Variants in EPB41L5 observed in about 807,000 individuals in gnomAD.
EPB41L5 encodes the protein band 4.1-like protein 5.
EPB41L5 carries 55 observed loss-of-function variants against 106.6 expected under a neutral mutation model. The ratio of observed to expected loss-of-function variants is 0.52; its 90% confidence interval spans 0.42 to 0.65. EPB41L5 has a LOEUF of 0.65. Among genes scored for constraint, EPB41L5 ranks in the 30% least tolerant of loss-of-function variants. The pLI is 0.00. For missense variants in EPB41L5, 871 were observed against 882.1 expected (o/e 0.99, Z 0.16); for synonymous variants, 297 against 306.7 (o/e 0.97, Z 0.33).
intron 3 of EPB41L5, 74 bp downstream of exon 3, chr2:120,042,184 A>T: frequency 9.0e-7 from 1 of 1,114,664 alleles, no homozygotes; most frequent in Non-Finnish European, 1.4e-6. Flanking sequence ...ACTAATTGCT[A>T]TAAGGCTTCC....
chr2:120,087,694 G>A (rs776113350), intron 11 of EPB41L5, among the ~76,000 whole-genome samples: 35 of 152,202 alleles, frequency 2.3e-4, no homozygotes, highest in Admixed American at 7.2e-4. Flanking sequence ...TCAGTATGTT[G>A]CCAAGGTTGC....
At chr2:120,167,772 A>G in intron 23 of EPB41L5, 105 bp from the exon 24 acceptor site, 1 of 1,367,502 alleles carries the variant, frequency 7.3e-7, no homozygotes, top group South Asian at 1.3e-5. Context: ...TATCAAAACC[A>G]TCTTCGTTAA....
At chr2:120,058,416 T>G (rs1381230519) in intron 3 of EPB41L5, among the ~76,000 whole-genome samples, 2 of 152,206 alleles carry the variant, frequency 1.3e-5, no homozygotes, top group African/African-American at 4.8e-5. Context: ...CCTCAAGTGA[T>G]CCTCTTGCCT....
chr2:120,146,390 AAAGATAGCTTGAATT>A, intron 20 of EPB41L5, 101 bp downstream of exon 20: 3 of 815,500 alleles, frequency 3.7e-6, no homozygotes, highest in Non-Finnish European at 6.0e-6. Context: ...TGTCTGTCTG[AAAGATAGCTTGAATT>A]CACTCTATTG....
At chr2:120,167,835 G>T in intron 23 of EPB41L5, 42 bp from the exon 24 acceptor site, 2 of 1,612,120 alleles carry the variant, frequency 1.2e-6, no homozygotes, top group Non-Finnish European at 1.7e-6. Context: ...GACCAGGCAG[G>T]TATTGTTACC....
intron 2 of EPB41L5, among the ~76,000 whole-genome samples, chr2:120,036,732 T>C (rs1400030414): frequency 6.6e-6 from 1 of 152,132 alleles, no homozygotes; most frequent in Non-Finnish European, 1.5e-5. Flanking sequence ...ATAAGAAGTA[T>C]AATCTATAGA....
chr2:120,151,537 A>G (rs916867032), intron 20 of EPB41L5, among the ~76,000 whole-genome samples: 3 of 149,202 alleles, frequency 2.0e-5, no homozygotes, highest in Non-Finnish European at 3.0e-5. Context: ...ACAAAACACC[A>G]CTGACCTCAT....
rs545554595 is a variant in EPB41L5, at chr2:120,156,552, A to C, written c.1794-4329A>C. On this transcript the variant is annotated intron_variant, in intron 20 of 24. Transcript: ENST00000263713. ...GGCATGTCTCTCCCGTGTCCCATCAACTGCCACTGCAGTCACAACCTTGGC... is the reference window on the plus strand; with the variant it reads ...GGCATGTCTCTCCCGTGTCCCATCACCTGCCACTGCAGTCACAACCTTGGC... Among the ~76,000 whole-genome samples the C allele has an allele frequency of 1.1e-3, 171 of 152,242 alleles. 1 individual carries two copies. The highest frequency in any genetic ancestry group is 3.9e-3 in the African/African-American group (161 of 41,538).
intron 3 of EPB41L5, among the ~76,000 whole-genome samples, chr2:120,045,218 A>G (rs917383285): frequency 6.6e-6 from 1 of 152,242 alleles, no homozygotes; most frequent in Non-Finnish European, 1.5e-5. Flanking sequence ...TGGAGTCATC[A>G]TGGAGATAAC....
rs1687882590 is a variant in EPB41L5 at position 120,175,365 on chromosome 2, A to G, written c.*458A>G. The G allele has an allele frequency of 1.2e-5, 2 of 160,066 alleles. No individual in the cohort carries two copies. The highest frequency in any genetic ancestry group is 4.8e-5 in the African/African-American group (2 of 41,384). The allele number at this position is 160,066 out of a possible 1,614,324, so 9.9% of individuals were successfully genotyped here. A position where few individuals can be genotyped will look rare whatever the true frequency, so the allele number is the denominator to read the frequency against. On this transcript the variant is annotated 3_prime_UTR_variant, in exon 25 of 25. Transcript: ENST00000263713. The stretch of plus-strand genomic sequence containing the variant: ...TGCACTTTTCCTGACTTACCTAGAA[A>G]TCAAGAATTTAGGAAATTAATGTGG...
intron 2 of EPB41L5, among the ~76,000 whole-genome samples, chr2:120,036,850 A>G (rs961535895): frequency 6.6e-6 from 1 of 152,192 alleles, no homozygotes; most frequent in Non-Finnish European, 1.5e-5. Context: ...AGGATATAAT[A>G]TGAAGCATAA....
At chr2:120,094,149 G>C (rs1021944644) in intron 14 of EPB41L5, among the ~76,000 whole-genome samples, 1 of 151,952 alleles carries the variant, frequency 6.6e-6, no homozygotes, top group Admixed American at 6.6e-5. Context: ...ATCATGCATG[G>C]CTAATTTTTA....
At position 120,177,346 on chromosome 2, in the gene EPB41L5, G is replaced by C. The variant is rs1687955399; in HGVS notation, c.*2439G>C. The C allele has an allele frequency of 6.5e-6, 1 of 152,824 alleles. No homozygotes were observed. The highest frequency in any genetic ancestry group is 2.1e-4 in the South Asian group (1 of 4,824). 9.5% of individuals were successfully genotyped at this position (152,824 alleles called of 1,614,324 possible). A position where few individuals can be genotyped will look rare whatever the true frequency, so the allele number is the denominator to read the frequency against. The stretch of plus-strand genomic sequence containing the variant: ...GTGAGACTGGGCTGAGGTTGGAGAA[G>C]GGGCAGCCGGGGGCACTGCTGAGGG... On this transcript the variant is annotated 3_prime_UTR_variant, in exon 25 of 25. Coordinates refer to ENST00000263713, the MANE Select transcript of EPB41L5 (RefSeq NM_020909.4).
chr2:120,158,989 A>G (rs1687018960), intron 20 of EPB41L5, among the ~76,000 whole-genome samples: 1 of 152,168 alleles, frequency 6.6e-6, no homozygotes, highest in Admixed American at 6.5e-5. Context: ...CCTATTCACA[A>G]TTGCCATAAA....
At chr2:120,104,074 G>A in intron 16 of EPB41L5, 1 of 1,533,948 alleles carries the variant, frequency 6.5e-7, no homozygotes, top group Admixed American at 2.0e-5. Flanking sequence ...TCTGCTGCCA[G>A]CGACTGCTGT....
intron 2 of EPB41L5, among the ~76,000 whole-genome samples, chr2:120,029,669 A>G (rs1040685096): frequency 5.9e-5 from 9 of 152,174 alleles, no homozygotes; most frequent in South Asian, 4.1e-4. Flanking sequence ...TAAGTCCCCA[A>G]ACTAATGCTT....
At chr2:120,111,112 G>A (rs531757439) in intron 16 of EPB41L5, among the ~76,000 whole-genome samples, 113 of 152,132 alleles carry the variant, frequency 7.4e-4, no homozygotes, top group African/African-American at 2.6e-3. Flanking sequence ...GATCTGACCC[G>A]AGATCCCATG....
chr2:120,115,238 T>C (rs913851757), intron 16 of EPB41L5, among the ~76,000 whole-genome samples: 19 of 152,250 alleles, frequency 1.2e-4, no homozygotes, highest in Non-Finnish European at 2.1e-4. Context: ...TTGGACAGTT[T>C]AACATTTACA....
At chr2:120,090,707 G>A (rs565178754) in intron 12 of EPB41L5, among the ~76,000 whole-genome samples, 191 bp downstream of exon 12, 209 of 152,224 alleles carry the variant, frequency 1.4e-3, no homozygotes, top group African/African-American at 3.9e-3. Flanking sequence ...GAATAGATGC[G>A]TAAACAGTAA....
Sources: gnomAD v4.1 joint callset for allele counts (sites outside exome capture counted in the v4.1 genomes callset) on GRCh38, gnomAD v4.1.1 for gene constraint, MANE v1.5 for transcripts, NCBI Gene and HGNC (gene_info 2026-07-23, HGNC 2026-07-21) for gene names.